IGF1R: variants seen among roughly 807,000 people sequenced by gnomAD.
IGF1R encodes the protein insulin like growth factor 1 receptor.
Under a neutral mutation model 144.6 loss-of-function variants are expected in IGF1R, and 44 were observed. The observed-to-expected ratio is 0.30, with a 90% CI of 0.24 to 0.39. IGF1R has a LOEUF of 0.39. Ranked by LOEUF, IGF1R falls within the 10% of genes least tolerant of loss-of-function variation. The probability of loss-of-function intolerance (pLI) is 1.00; values close to 1 mark genes in which losing one functional copy is unlikely to be tolerated. For missense variants in IGF1R, 1,355 were observed against 1,833.7 expected (o/e 0.74, Z 4.77); for synonymous variants, 795 against 722.8 (o/e 1.10, Z -1.60).
chr15:98,772,519 A>G (rs1237879197), intron 2 of IGF1R, among the ~76,000 whole-genome samples: 1 of 120,556 alleles, frequency 8.3e-6, no homozygotes, highest in Non-Finnish European at 1.8e-5. Context: ...TATTATTTTA[A>G]GAATTAGGTC....
intron 1 of IGF1R, among the ~76,000 whole-genome samples, chr15:98,684,697 A>T (rs1326612410): frequency 6.6e-6 from 1 of 152,026 alleles, no homozygotes; most frequent in Non-Finnish European, 1.5e-5. Flanking sequence ...GTTGCTGTGG[A>T]TGAGAGAGTA....
intron 2 of IGF1R, among the ~76,000 whole-genome samples, chr15:98,734,500 G>A (rs1378410737): frequency 6.6e-6 from 1 of 152,266 alleles, no homozygotes; most frequent in African/African-American, 2.4e-5. Flanking sequence ...ACCCATGGAG[G>A]TTTCGTAAAG....
chr15:98,916,437 T>A, intron 9 of IGF1R: 1 of 570,360 alleles, frequency 1.8e-6, no homozygotes, highest in Admixed American at 3.0e-5. Flanking sequence ...AATTTTTGTA[T>A]TTTTAGTAGA....
chr15:98,724,357 T>C (rs1320782822), intron 2 of IGF1R, among the ~76,000 whole-genome samples: 1 of 152,114 alleles, frequency 6.6e-6, no homozygotes, highest in Non-Finnish European at 1.5e-5. Flanking sequence ...TCTGGGTGGG[T>C]AATACAGGGG....
At chr15:98,827,885 A>G (rs1322680433) in intron 2 of IGF1R, among the ~76,000 whole-genome samples, 3 of 152,126 alleles carry the variant, frequency 2.0e-5, no homozygotes, top group African/African-American at 7.2e-5. Flanking sequence ...CCGGCCTAAG[A>G]TTTCTTATTG....
At chr15:98,916,156 C>G (rs754956567) in intron 9 of IGF1R, 25 bp downstream of exon 9, 1 of 1,612,318 alleles carries the variant, frequency 6.2e-7, no homozygotes, top group Non-Finnish European at 8.5e-7. Flanking sequence ...GCGGCCTGGA[C>G]GGAGGGTGTG....
At chr15:98,921,678 A>G (rs1204945565) in intron 10 of IGF1R, among the ~76,000 whole-genome samples, 1 of 152,142 alleles carries the variant, frequency 6.6e-6, no homozygotes, top group Non-Finnish European at 1.5e-5. Context: ...CCAAGGAGCC[A>G]CCACCACAGG....
In IGF1R at chr15:98,960,718, G is replaced by A. The variant is rs957233475; in HGVS notation, c.*3276G>A. 25 of 233,300 alleles carry A rather than the reference G, an allele frequency of 1.1e-4. No homozygotes were observed. In the Admixed American group the frequency reaches 1.2e-3, roughly 11 times the overall value. The allele number at this position is 233,300 out of a possible 1,614,324, so 14.5% of individuals were successfully genotyped here. On this transcript the variant is annotated 3_prime_UTR_variant, in exon 21 of 21. Transcript: ENST00000650285. ...AGAGCAAGAGTCACCCAGCCTGTGCGCCAGAATGCAGAGGCTCCTGACCTC... is the reference window on the plus strand; with the variant it reads ...AGAGCAAGAGTCACCCAGCCTGTGCACCAGAATGCAGAGGCTCCTGACCTC...
intron 2 of IGF1R, among the ~76,000 whole-genome samples, chr15:98,876,011 T>C (rs1596384486): frequency 1.3e-5 from 2 of 152,184 alleles, no homozygotes; most frequent in South Asian, 4.1e-4. Context: ...CTGTAAGTGA[T>C]GTTGGGTGGG....
intron 2 of IGF1R, among the ~76,000 whole-genome samples, chr15:98,710,668 CTTT>C (rs34054503): frequency 2.1e-5 from 3 of 140,110 alleles, no homozygotes. Flanking sequence ...CCTTTTTATT[CTTT>C]TTTTTTTTTT....
intron 2 of IGF1R, among the ~76,000 whole-genome samples, chr15:98,751,038 A>G (rs912749256): frequency 6.6e-6 from 1 of 151,962 alleles, no homozygotes; most frequent in Non-Finnish European, 1.5e-5. Context: ...TGATCCACCC[A>G]CCTCGGCCTC....
intron 20 of IGF1R, among the ~76,000 whole-genome samples, chr15:98,949,577 G>T (rs2016693254): frequency 6.6e-6 from 1 of 152,046 alleles, no homozygotes; most frequent in Non-Finnish European, 1.5e-5. Context: ...TACCATATTG[G>T]CCAGGCTGGT....
chr15:98,903,151 T>C (rs1385305974), intron 5 of IGF1R, among the ~76,000 whole-genome samples: 1 of 152,230 alleles, frequency 6.6e-6, no homozygotes, highest in Admixed American at 6.5e-5. Context: ...ATGTACACAA[T>C]TTTTATAAAA....
At chr15:98,918,276 C>T (rs1194379143) in intron 10 of IGF1R, among the ~76,000 whole-genome samples, 2 of 152,268 alleles carry the variant, frequency 1.3e-5, no homozygotes, top group East Asian at 3.9e-4. Flanking sequence ...CAGCACCCCA[C>T]CCAGCACGTT....
chr15:98,908,637 G>T (rs1327503063), intron 5 of IGF1R, 48 bp from the exon 6 acceptor site: 3 of 1,440,804 alleles, frequency 2.1e-6, no homozygotes, highest in Non-Finnish European at 2.9e-6. Flanking sequence ...GGCTAGAGGG[G>T]ACTGTGGCCA....
chr15:98,963,807 A>G lies in IGF1R; in HGVS notation c.*6365A>G. 1 of 233,104 alleles carries G rather than the reference A, an allele frequency of 4.3e-6. No homozygotes were observed. The highest frequency in any genetic ancestry group is 8.5e-6 in the Non-Finnish European group (1 of 117,908). 14.4% of individuals were successfully genotyped at this position (233,104 alleles called of 1,614,324 possible). On this transcript the variant is annotated 3_prime_UTR_variant, in exon 21 of 21. Transcript: ENST00000650285. ...TTTCCAATACAGAAAAGAATTTTTAATAAAAACTATAACATACACAAAAAT... is the reference window on the plus strand; with the variant it reads ...TTTCCAATACAGAAAAGAATTTTTAGTAAAAACTATAACATACACAAAAAT...
rs1319622702 is a variant in IGF1R, at chr15:98,911,346, C to T, written c.1494C>T (p.Thr498=). 2 of 1,614,038 alleles carry T rather than the reference C, an allele frequency of 1.2e-6. No individual in the cohort carries two copies. Among genetic ancestry groups the T allele is most frequent in the African/African-American group, 1.3e-5 (1 of 74,916 alleles). The stretch of plus-strand genomic sequence containing the variant: ...GTGACGTCCTGCATTTCACCTCCAC[C>T]ACCACGTCGAAGAATCGCATCATCA... ...CESDVLHFTS[T]TTSKNRIIIT... is the part of the protein sequence containing the mutation. Residue 498 remains threonine, a synonymous_variant, in exon 7 of 21, where the codon ACC becomes ACT. Coordinates refer to ENST00000650285, the MANE Select transcript of IGF1R (RefSeq NM_000875.5).
intron 10 of IGF1R, among the ~76,000 whole-genome samples, chr15:98,919,184 C>T (rs1171349835): frequency 1.3e-5 from 2 of 152,224 alleles, no homozygotes; most frequent in East Asian, 1.9e-4. Context: ...ACCTGGTCCT[C>T]ATTCCCACAC....
chr15:98,952,702 G>A (rs1003198275), intron 20 of IGF1R: 1 of 152,154 alleles, frequency 6.6e-6, no homozygotes, highest in Admixed American at 6.5e-5. Context: ...TACTATTAAT[G>A]TAAACTGCCT....
Sources: allele counts gnomAD v4.1 joint callset (sites outside exome capture counted in the v4.1 genomes callset), GRCh38; gene constraint gnomAD v4.1.1; transcripts MANE v1.5; gene names NCBI Gene and HGNC (gene_info 2026-07-23, HGNC 2026-07-21).